The following TSC22D4 variants were observed in gnomAD, a reference collection of about 807,000 sequenced individuals.
The protein encoded by TSC22D4 is TSC22 domain family member 4, also known as TSC22 domain family protein 4.
In TSC22D4, 5 loss-of-function variants were observed where a neutral mutation model predicts 24.9. The ratio of observed to expected loss-of-function variants is 0.20; its 90% confidence interval spans 0.10 to 0.42. The LOEUF (loss-of-function observed/expected upper bound fraction) is 0.42. Ranked by LOEUF, TSC22D4 falls within the 10% of genes least tolerant of loss-of-function variation. TSC22D4 has a pLI of 1.00. For synonymous variants in TSC22D4, 245 were observed against 243.2 expected (o/e 1.01, Z -0.07); for missense variants, 469 against 547.9 (o/e 0.86, Z 1.44).
Position 100,474,309 on chromosome 7 carries a change from C to T in TSC22D4, c.894G>A (p.Leu298=). 6.2e-7 allele frequency: 1 copy of T among 1,614,130 alleles called. No individual in the cohort carries two copies. Among genetic ancestry groups the T allele is most frequent in the Admixed American group, 1.7e-5 (1 of 60,010 alleles). ...CGCTGTCTAGGTGACCACTGATGGC[C>T]AACATGGAGTGGGCCAGGCTGAACT... The part of the protein sequence containing the change: ...AQKFSLAHSM[L]AISGHLDSDD... Residue 298 remains leucine, a synonymous_variant, in exon 3 of 5, where the codon TTG becomes TTA. Transcript: ENST00000300181. The surrounding 1 kb of genome is among the most constrained non-coding windows in gnomAD (Gnocchi z 4.3).
rs1174679598 is a variant in TSC22D4 at position 100,474,927 on chromosome 7, G to A, written c.763-487C>T. Among the ~76,000 whole-genome samples the A allele has an allele frequency of 3.9e-5, 6 of 151,948 alleles. 1 individual carries two copies. Among genetic ancestry groups the A allele is most frequent in the African/African-American group, 7.3e-5 (3 of 41,378 alleles). On this transcript the variant is annotated intron_variant, in intron 2 of 4. Transcript: ENST00000300181. This position sits in a 1 kb window ranked among gnomAD's most constrained non-coding sequence, Gnocchi z 4.3. ...AGCGATCCTCCAGCCTCAGCCACCC[G>A]AGTAGCTGGGACTACAGGCATGCAC...
intron 4 of TSC22D4, 141 bp from the exon 5 acceptor site, chr7:100,467,309 G>T: frequency 1.0e-6 from 1 of 959,478 alleles, no homozygotes; most frequent in East Asian, 2.5e-5. Flanking sequence ...GGAAAAGGAC[G>T]AGGGACAGAG....
Position 100,477,212 on chromosome 7 carries a change from G to A in TSC22D4, c.762+65C>T. The A allele has an allele frequency of 7.9e-7, 1 of 1,269,474 alleles. No homozygotes were observed. The highest frequency in any genetic ancestry group is 1.0e-6 in the Non-Finnish European group (1 of 964,928). The allele number at this position is 1,269,474 out of a possible 1,614,324, so 78.6% of individuals were successfully genotyped here. A position where few individuals can be genotyped will look rare whatever the true frequency, so the allele number is the denominator to read the frequency against. ...GAGGAGGAGAGGGGGGGGAGGAGGA[G>A]GAAGGAGGCTCAAGATAGAGGTTAG... On this transcript the variant is annotated intron_variant, in intron 2 of 4. Transcript: ENST00000300181. The surrounding 1 kb of genome is among the most constrained non-coding windows in gnomAD (Gnocchi z 7.8).
At chr7:100,471,178 T>C (rs970034631) in intron 3 of TSC22D4, among the ~76,000 whole-genome samples, 1 of 149,590 alleles carries the variant, frequency 6.7e-6, no homozygotes, top group Non-Finnish European at 1.5e-5. Context: ...CTGCCCTGTC[T>C]CTATGCTGTC....
At chr7:100,468,234 G>A (rs1018442815) in intron 3 of TSC22D4, among the ~76,000 whole-genome samples, 1 of 152,076 alleles carries the variant, frequency 6.6e-6, no homozygotes, top group African/African-American at 2.4e-5. Context: ...TCTCACCCTG[G>A]CACCAATCCC....
At chr7:100,469,665 C>T (rs1799358162) in intron 3 of TSC22D4, among the ~76,000 whole-genome samples, 1 of 152,184 alleles carries the variant, frequency 6.6e-6, no homozygotes, top group African/African-American at 2.4e-5. Context: ...GCGGGATCCC[C>T]AGTCCTGCCC....
In TSC22D4 at chr7:100,468,778, A is replaced by C. The variant is rs148573165; in HGVS notation, c.930-1178T>G. Among the ~76,000 whole-genome samples, 527 of 151,818 alleles carry C rather than the reference A, an allele frequency of 3.5e-3. 3 individuals carry two copies. The highest frequency in any genetic ancestry group is 0.012 in the African/African-American group (486 of 41,394). On this transcript the variant is annotated intron_variant, in intron 3 of 4. Transcript: ENST00000300181. ...ATGGAGAAACCCCATCTCTACTGAA[A>C]ATACAAAAATTAGCCAGGCGTGGTG...
rs1423440415 is a variant in TSC22D4 at position 100,474,394 on chromosome 7, G to A, written c.809C>T (p.Thr270Ile). 6 of 1,614,022 alleles carry A rather than the reference G, an allele frequency of 3.7e-6. No homozygotes were observed. Among genetic ancestry groups the A allele is most frequent in the Non-Finnish European group, 4.2e-6 (5 of 1,180,032 alleles). Reference sequence around the variant, plus strand: ...TTTGTGAACCAGGCTGGCATCGTGGGTGAAGTAGAGGGCTGGGGAGCTGGG... The same window carrying A: ...TTTGTGAACCAGGCTGGCATCGTGGATGAAGTAGAGGGCTGGGGAGCTGGG... The part of the protein sequence containing the change: ...SRPSSPALYF[T>I]HDASLVHKSP... The change falls in exon 3 of 5, where the codon ACC (threonine) becomes ATC (isoleucine). Residue 270 changes from threonine to isoleucine, a missense_variant. Thr to Ile is a moderately conservative substitution (Grantham distance 89, BLOSUM62 -1). Coordinates refer to ENST00000300181, the MANE Select transcript of TSC22D4 (RefSeq NM_030935.5). The surrounding 1 kb of genome is among the most constrained non-coding windows in gnomAD (Gnocchi z 4.3).
At position 100,477,208 on chromosome 7, in the gene TSC22D4, A is replaced by T. The variant is rs886705968; in HGVS notation, c.762+69T>A. 34 of 1,159,794 alleles carry T rather than the reference A, an allele frequency of 2.9e-5. No individual in the cohort carries two copies. The highest frequency in any genetic ancestry group is 5.2e-5 in the South Asian group (2 of 38,182). The allele number at this position is 1,159,794 out of a possible 1,614,324, so 71.8% of individuals were successfully genotyped here. On this transcript the variant is annotated intron_variant, in intron 2 of 4. Transcript: ENST00000300181. The surrounding 1 kb of genome is among the most constrained non-coding windows in gnomAD (Gnocchi z 7.8). ...GAAGGAGGAGGAGAGGGGGGGGAGGAGGAGGAAGGAGGCTCAAGATAGAGG... is the reference window on the plus strand; with the variant it reads ...GAAGGAGGAGGAGAGGGGGGGGAGGTGGAGGAAGGAGGCTCAAGATAGAGG...
intron 3 of TSC22D4, chr7:100,473,921 T>G: frequency 4.6e-6 from 1 of 216,736 alleles, no homozygotes; most frequent in Non-Finnish European, 9.5e-6. Context: ...CCCGGCCTGA[T>G]TTGCTATTCT....
chr7:100,474,242 C>A lies in TSC22D4; in HGVS notation c.929+32G>T, dbSNP rs770367872. 6.2e-7 allele frequency: 1 copy of A among 1,608,546 alleles called. No individual in the cohort carries two copies. ...GGGTGCTGGGCGGGGAACCTGAACC[C>A]CACGCCCCACCACCCCACGAAGCCC... On this transcript the variant is annotated intron_variant, in intron 3 of 4. Coordinates refer to ENST00000300181, the MANE Select transcript of TSC22D4 (RefSeq NM_030935.5). This position sits in a 1 kb window ranked among gnomAD's most constrained non-coding sequence, Gnocchi z 4.3.
In TSC22D4 at chr7:100,477,188, A is replaced by AGGGGGGG. The variant is rs754031841; in HGVS notation, c.762+88_762+89insCCCCCCC. ...TGATCTTATAAAGTGATGGAGAAGGAGGAGGAGAGGGGGGGGAGGAGGAGG... is the reference window on the plus strand; with the variant it reads ...TGATCTTATAAAGTGATGGAGAAGGAGGGGGGGGGAGGAGAGGGGGGGGAGGAGGAGG... On this transcript the variant is annotated intron_variant, in intron 2 of 4. Transcript: ENST00000300181. This position sits in a 1 kb window ranked among gnomAD's most constrained non-coding sequence, Gnocchi z 7.8. The AGGGGGGG allele has an allele frequency of 2.8e-6, 3 of 1,062,002 alleles. No homozygotes were observed. Among genetic ancestry groups the AGGGGGGG allele is most frequent in the Middle Eastern group, 2.7e-4 (1 of 3,714 alleles). The allele number at this position is 1,062,002 out of a possible 1,614,324, so 65.8% of individuals were successfully genotyped here.
Position 100,477,163 on chromosome 7 carries a change from T to G in TSC22D4, c.762+114A>C. 12 of 950,658 alleles carry G rather than the reference T, an allele frequency of 1.3e-5. No individual in the cohort carries two copies. The highest frequency in any genetic ancestry group is 1.8e-5 in the Non-Finnish European group (12 of 681,640). The allele number at this position is 950,658 out of a possible 1,614,324, so 58.9% of individuals were successfully genotyped here. ...GGCAGGCACAGAGAAGAGGGCTATC[T>G]GATCTTATAAAGTGATGGAGAAGGA... On this transcript the variant is annotated intron_variant, in intron 2 of 4. Transcript: ENST00000300181. This position sits in a 1 kb window ranked among gnomAD's most constrained non-coding sequence, Gnocchi z 7.8.
At chr7:100,467,985 G>A (rs1386349365) in intron 3 of TSC22D4, 1 of 485,566 alleles carries the variant, frequency 2.1e-6, no homozygotes. Context: ...CAATGGAGAG[G>A]GATGCAGTGA....
At chr7:100,467,786 G>A (rs1335279184) in intron 3 of TSC22D4, 186 bp from the exon 4 acceptor site, 1 of 711,712 alleles carries the variant, frequency 1.4e-6, no homozygotes, top group Non-Finnish European at 2.6e-6. Context: ...CCCCGGTGGG[G>A]CGGGGGCCCA....
In TSC22D4 at chr7:100,467,832, G is replaced by A. The variant is rs566080119; in HGVS notation, c.930-232C>T. 5.2e-4 allele frequency: 358 copies of A among 692,962 alleles called. 4 individuals carry two copies. Among genetic ancestry groups the A allele is most frequent in the South Asian group, 4.5e-3 (296 of 66,382 alleles). 42.9% of individuals were successfully genotyped at this position (692,962 alleles called of 1,614,324 possible). The stretch of plus-strand genomic sequence containing the variant: ...GGATGGGGGATGCACCCCGGGGAGA[G>A]CAAGGGGAAGAGGCACAGCCCCTTT... On this transcript the variant is annotated intron_variant, in intron 3 of 4. Transcript: ENST00000300181.
intron 4 of TSC22D4, 32 bp downstream of exon 4, chr7:100,467,520 G>C: frequency 6.2e-7 from 1 of 1,612,430 alleles, no homozygotes; most frequent in Non-Finnish European, 8.5e-7. Flanking sequence ...AAGGGGGCCA[G>C]GACCTCCTGG....
At chr7:100,472,409 G>A (rs1169138783) in intron 3 of TSC22D4, among the ~76,000 whole-genome samples, 1 of 151,762 alleles carries the variant, frequency 6.6e-6, no homozygotes, top group Non-Finnish European at 1.5e-5. Context: ...TGTGCAGGGA[G>A]GGGGTGGGAT....
At chr7:100,475,744 T>C (rs1459652227) in intron 2 of TSC22D4, among the ~76,000 whole-genome samples, 1 of 148,952 alleles carries the variant, frequency 6.7e-6, no homozygotes, top group Non-Finnish European at 1.5e-5. Context: ...CCCAACAGGC[T>C]CTGGGGGCAG....
Sources: allele counts gnomAD v4.1 joint callset (sites outside exome capture counted in the v4.1 genomes callset), GRCh38; gene constraint gnomAD v4.1.1; non-coding constraint Gnocchi (gnomAD v3.1); transcripts MANE v1.5; gene names NCBI Gene and HGNC (gene_info 2026-07-23, HGNC 2026-07-21).